The following BLTP1 variants were observed in gnomAD, a reference collection of about 807,000 sequenced individuals.
BLTP1 encodes bridge-like lipid transfer protein family member 1, also known as fragile site-associated protein.
chr4:122,305,784 T>C, the BLTP1 span: 1 of 1,362,850 alleles, frequency 7.3e-7, no homozygotes, highest in African/African-American at 1.5e-5. Flanking sequence ...TGTATTATAG[T>C]TTTTTTGGTG....
chr4:122,172,859 G>T, the BLTP1 span: 9 of 885,066 alleles, frequency 1.0e-5, no homozygotes, highest in African/African-American at 1.4e-4. Context: ...TTGAAACATT[G>T]CTCTAATGGA....
chr4:122,244,991 A>T, the BLTP1 span: 6 of 1,601,768 alleles, frequency 3.7e-6, no homozygotes, highest in Non-Finnish European at 5.1e-6. Context: ...CGACATTTAA[A>T]TATTTCATTT....
the BLTP1 span, chr4:122,281,992 A>T: frequency 6.1e-6 from 6 of 984,268 alleles, no homozygotes; most frequent in Non-Finnish European, 7.2e-6. Context: ...GAACTCCATA[A>T]AATTATTCAA....
chr4:122,261,114 C>T, the BLTP1 span, among the ~76,000 whole-genome samples: 1 of 152,114 alleles, frequency 6.6e-6, no homozygotes, highest in South Asian at 2.1e-4. Flanking sequence ...GTCTCTTGGG[C>T]TTTCAAAGTT....
At chr4:122,267,191 C>T in the BLTP1 span, among the ~76,000 whole-genome samples, 8 of 150,738 alleles carry the variant, frequency 5.3e-5, no homozygotes, top group African/African-American at 7.3e-5. Context: ...GCCGAGTAGC[C>T]GGGACCACAA....
the BLTP1 span, chr4:122,244,903 A>G: frequency 1.6e-6 from 2 of 1,267,932 alleles, no homozygotes; most frequent in Non-Finnish European, 2.2e-6. Flanking sequence ...TCTCATTTCA[A>G]TGTTGAGCAA....
At chr4:122,249,965 A>G in the BLTP1 span, 1 of 973,444 alleles carries the variant, frequency 1.0e-6, no homozygotes, top group Non-Finnish European at 1.2e-6. Flanking sequence ...ATTTTTTGAA[A>G]CTTTGCATCT....
chr4:122,200,504 T>C, the BLTP1 span: 1 of 820,518 alleles, frequency 1.2e-6, no homozygotes, highest in Non-Finnish European at 1.5e-6. Flanking sequence ...TGCTTGAAGC[T>C]GGGAGGCGGA....
the BLTP1 span, among the ~76,000 whole-genome samples, chr4:122,204,096 C>G: frequency 2.0e-5 from 3 of 151,862 alleles, no homozygotes; most frequent in African/African-American, 7.2e-5. Context: ...GATCTCTGCC[C>G]TCACTTATGG....
At chr4:122,165,333 T>C in the BLTP1 span, among the ~76,000 whole-genome samples, 1 of 151,656 alleles carries the variant, frequency 6.6e-6, no homozygotes, top group African/African-American at 2.4e-5. Context: ...TTTGGTTTTT[T>C]GTCCTTGCGA....
At chr4:122,352,349 GTTTTTCTT>G in the BLTP1 span, among the ~76,000 whole-genome samples, 1 of 138,974 alleles carries the variant, frequency 7.2e-6, no homozygotes, top group Non-Finnish European at 1.6e-5. Context: ...TTAGGTTTTG[GTTTTTCTT>G]TTTTTTTTTT....
At chr4:122,250,287 A>G in the BLTP1 span, 12 of 1,413,844 alleles carry the variant, frequency 8.5e-6, no homozygotes, top group Non-Finnish European at 1.2e-5. Flanking sequence ...ATGAAATTTT[A>G]TACAGATATT....
the BLTP1 span, chr4:122,175,946 TTCAA>T: frequency 9.9e-7 from 1 of 1,006,110 alleles, no homozygotes; most frequent in East Asian, 2.4e-5. Context: ...GTTTAAAATG[TTCAA>T]TCATATAATC....
the BLTP1 span, chr4:122,219,681 AATTT>A: frequency 1.5e-6 from 1 of 686,308 alleles, no homozygotes; most frequent in Non-Finnish European, 2.4e-6. Context: ...GAAACTTCTA[AATTT>A]ATTCTTTTAC....
the BLTP1 span, chr4:122,249,516 T>C: frequency 1.2e-6 from 2 of 1,613,552 alleles, no homozygotes; most frequent in South Asian, 1.1e-5. Context: ...CTGCTATTCC[T>C]TTTGAGAAGT....
At chr4:122,235,113 C>T in the BLTP1 span, 2 of 1,160,850 alleles carry the variant, frequency 1.7e-6, no homozygotes, top group Non-Finnish European at 2.4e-6. Flanking sequence ...CTCTGTTCAA[C>T]TCAATTTACT....
At chr4:122,357,047 T>C in the BLTP1 span, 2 of 982,524 alleles carry the variant, frequency 2.0e-6, no homozygotes, top group Non-Finnish European at 2.4e-6. Flanking sequence ...GAGAAAATAC[T>C]GCAAATCAAA....
chr4:122,275,869 G>C, the BLTP1 span: 1 of 1,274,936 alleles, frequency 7.8e-7, no homozygotes. Flanking sequence ...TGGGAAATTA[G>C]AAAAGCTTTC....
chr4:122,349,740 CTTAT>C, the BLTP1 span: 6 of 1,535,072 alleles, frequency 3.9e-6, no homozygotes, highest in Admixed American at 2.1e-5. This position sits in a 1 kb window ranked among gnomAD's most constrained non-coding sequence, Gnocchi z 4.5. Flanking sequence ...TTACAAAACT[CTTAT>C]TTATTATGCA....
Sources: allele counts gnomAD v4.1 joint callset (sites outside exome capture counted in the v4.1 genomes callset), GRCh38; gene constraint gnomAD v4.1.1; non-coding constraint Gnocchi (gnomAD v3.1); transcripts MANE v1.5; gene names NCBI Gene and HGNC (gene_info 2026-07-23, HGNC 2026-07-21).